The following LAMA1 variants were observed in gnomAD, a reference collection of about 807,000 sequenced individuals.
LAMA1 encodes the protein laminin subunit alpha 1.
LAMA1 carries 219 observed loss-of-function variants against 348.7 expected under a neutral mutation model. The observed-to-expected ratio is 0.63, with a 90% CI of 0.56 to 0.70. The LOEUF is 0.70. Ranked by LOEUF, LAMA1 falls within the 30% of genes least tolerant of loss-of-function variation. The probability of loss-of-function intolerance (pLI) is 0.00; values close to 1 mark genes in which losing one functional copy is unlikely to be tolerated. For missense variants in LAMA1, 3,744 were observed against 3,888.0 expected, an observed-to-expected ratio of 0.96 and a Z score of 0.99; for synonymous variants, 1,487 against 1,491.0, an observed-to-expected ratio of 1.00 and a Z score of 0.06.
rs189409268 is a variant in LAMA1, at chr18:6,961,889, T to C, written c.7452+56A>G. The C allele has an allele frequency of 2.0e-4, 321 of 1,567,884 alleles. 1 individual carries two copies. Among genetic ancestry groups the C allele is most frequent in the Non-Finnish European group, 2.6e-4 (292 of 1,137,894 alleles). ...CTGGTTTGTTGTGTTATGATGTTGA[T>C]AAATCAATGGACACTTATGGAAACT... On this transcript the variant is annotated intron_variant, in intron 52 of 62. Transcript: ENST00000389658.
chr18:7,117,594 G>C (rs2058363021), intron 1 of LAMA1, 66 bp downstream of exon 1: 1 of 1,533,632 alleles, frequency 6.5e-7, no homozygotes, highest in Non-Finnish European at 8.8e-7. Flanking sequence ...GACGGGCTTT[G>C]TCCGCGGCCG....
At position 6,997,959 on chromosome 18, in the gene LAMA1, C is replaced by CA. The variant is rs1600382250; in HGVS notation, c.4664-76dup. ...CTGCCCATTTTTTCATGGAGTTGCG[C>CA]AAGTTGTTTTGTGAAAATGACACAT... On this transcript the variant is annotated intron_variant, in intron 32 of 62. Transcript: ENST00000389658. The CA allele has an allele frequency of 4.3e-6, 6 of 1,402,690 alleles. No individual in the cohort carries two copies. In the East Asian group the frequency reaches 1.4e-4, roughly 32 times the overall value. 86.9% of individuals were successfully genotyped at this position (1,402,690 alleles called of 1,614,324 possible).
At chr18:6,965,110 C>A (rs1277581432) in intron 50 of LAMA1, among the ~76,000 whole-genome samples, 178 bp downstream of exon 50, 4 of 152,164 alleles carry the variant, frequency 2.6e-5, no homozygotes, top group Non-Finnish European at 4.4e-5. Flanking sequence ...ACAAGTATAA[C>A]CCTCCTCCAG....
chr18:7,115,969 CA>C (rs879608315), intron 1 of LAMA1, among the ~76,000 whole-genome samples: 104 of 140,318 alleles, frequency 7.4e-4, no homozygotes, highest in Admixed American at 7.9e-4. Context: ...CCGGAGACTG[CA>C]AAAAAAAAAA....
chr18:6,943,614 C>T (rs1007995703), intron 61 of LAMA1, among the ~76,000 whole-genome samples: 4 of 151,882 alleles, frequency 2.6e-5, no homozygotes, highest in African/African-American at 4.8e-5. Context: ...TTTAGGAGGC[C>T]GAGGCAGGCG....
intron 9 of LAMA1, among the ~76,000 whole-genome samples, chr18:7,041,917 T>A (rs1030927639): frequency 6.6e-6 from 1 of 152,218 alleles, no homozygotes; most frequent in Non-Finnish European, 1.5e-5. Context: ...CCCATGTACC[T>A]GTTTGTTTAG....
chr18:6,964,051 C>T (rs2057621381), intron 51 of LAMA1: 1 of 152,836 alleles, frequency 6.5e-6, no homozygotes, highest in Non-Finnish European at 1.5e-5. Context: ...AAGAGATCTA[C>T]TTCTCTAAAA....
chr18:6,960,952 T>G (rs535388165), intron 53 of LAMA1, among the ~76,000 whole-genome samples: 1 of 152,200 alleles, frequency 6.6e-6, no homozygotes, highest in Non-Finnish European at 1.5e-5. Flanking sequence ...AAGGTGGCAT[T>G]CTATAGATTT....
chr18:7,079,941 G>A, intron 3 of LAMA1, 34 bp downstream of exon 3: 3 of 1,458,722 alleles, frequency 2.1e-6, no homozygotes, highest in Non-Finnish European at 2.9e-6. Context: ...TCAGCAGCCT[G>A]TAGACACTCT....
intron 38 of LAMA1, 62 bp from the exon 39 acceptor site, chr18:6,985,462 A>G: frequency 6.2e-7 from 1 of 1,607,248 alleles, no homozygotes; most frequent in Non-Finnish European, 8.5e-7. Flanking sequence ...ATATGTGTGC[A>G]TATAGAAAAG....
At position 7,016,687 on chromosome 18, in the gene LAMA1, G is replaced by C. The variant is rs968334158; in HGVS notation, c.2809-16C>G. The C allele has an allele frequency of 6.2e-7, 1 of 1,603,918 alleles. No homozygotes were observed. Among genetic ancestry groups the C allele is most frequent in the Non-Finnish European group, 8.5e-7 (1 of 1,175,064 alleles). On this transcript the variant is annotated splice_polypyrimidine_tract_variant and intron_variant, in intron 20 of 62. Coordinates refer to ENST00000389658, the MANE Select transcript of LAMA1 (RefSeq NM_005559.4). ...AATAGCCATGCTGTTTCACCAAAGGGGGAGAAAGTGGAAACCAACATACGT... is the reference window on the plus strand; with the variant it reads ...AATAGCCATGCTGTTTCACCAAAGGCGGAGAAAGTGGAAACCAACATACGT...
rs577620020 is a variant in LAMA1, at chr18:7,098,704, T to C, written c.62-18247A>G. On this transcript the variant is annotated intron_variant, in intron 1 of 62. Coordinates refer to ENST00000389658, the MANE Select transcript of LAMA1 (RefSeq NM_005559.4). ...GCGTCTCCGCCCGGCAGCCACCCCA[T>C]CCGGGAGGGAGGTGGGGGGGTCAGC... Among the ~76,000 whole-genome samples, 1,205 of 142,338 alleles carry C rather than the reference T, an allele frequency of 8.5e-3. 24 individuals are homozygous for C. The highest frequency in any genetic ancestry group is 0.031 in the African/African-American group (1,151 of 37,730). The allele number at this position is 142,338 out of a possible 152,430, so 93.4% of individuals were successfully genotyped here. A position where few individuals can be genotyped will look rare whatever the true frequency, so the allele number is the denominator to read the frequency against.
chr18:7,021,918 C>T (rs1043330639), intron 19 of LAMA1, among the ~76,000 whole-genome samples: 2 of 147,572 alleles, frequency 1.4e-5, no homozygotes, highest in Non-Finnish European at 3.0e-5. Flanking sequence ...TAATAGCTGC[C>T]ATTTATTTCA....
At chr18:6,957,014 C>T (rs1457352417) in intron 55 of LAMA1, 1 of 473,900 alleles carries the variant, frequency 2.1e-6, no homozygotes, top group Non-Finnish European at 3.9e-6. Flanking sequence ...CCTGGCCATT[C>T]CTGAGCACCC....
intron 1 of LAMA1, among the ~76,000 whole-genome samples, chr18:7,099,500 A>C (rs1009307607): frequency 6.6e-6 from 1 of 151,840 alleles, no homozygotes; most frequent in African/African-American, 2.4e-5. Context: ...ACAAAAAAAA[A>C]AATGAACTTA....
At chr18:7,078,140 T>TTTTTTTTTGG (rs1435082183) in intron 3 of LAMA1, among the ~76,000 whole-genome samples, 5 of 65,252 alleles carry the variant, frequency 7.7e-5, no homozygotes, top group East Asian at 7.1e-4. Flanking sequence ...TCTCTTTTTA[T>TTTTTTTTTGG]TTTTTTTTGT....
chr18:6,986,172 G>A lies in LAMA1; in HGVS notation c.5344C>T (p.Leu1782=), dbSNP rs993732736. ...EAKMQESNHL[L]LMVNANLREF... ...CTCAGATTAGCATTGACCATGAGCA[G>A]CAGGTGGTTGCTTTCCTGCATCTTT... is the stretch of plus-strand genomic sequence containing the variant. Residue 1782 remains leucine, a synonymous_variant, in exon 37 of 63, where the codon CTG becomes TTG. Coordinates refer to ENST00000389658, the MANE Select transcript of LAMA1 (RefSeq NM_005559.4). The A allele has an allele frequency of 2.5e-6, 4 of 1,614,208 alleles. No individual in the cohort carries two copies. The highest frequency in any genetic ancestry group is 3.4e-6 in the Non-Finnish European group (4 of 1,180,036).
chr18:6,941,936 G>A lies in LAMA1; in HGVS notation c.*143C>T. 1 of 976,196 alleles carries A rather than the reference G, an allele frequency of 1.0e-6. No homozygotes were observed. Among genetic ancestry groups the A allele is most frequent in the Non-Finnish European group, 1.6e-6 (1 of 618,556 alleles). The allele number at this position is 976,196 out of a possible 1,614,324, so 60.5% of individuals were successfully genotyped here. Reference sequence around the variant, plus strand: ...GGTATTTGTTGCACATGTGGTTTTAGTGTAACGTAAACACAACATCTCTCC... The same window carrying A: ...GGTATTTGTTGCACATGTGGTTTTAATGTAACGTAAACACAACATCTCTCC... On this transcript the variant is annotated 3_prime_UTR_variant, in exon 63 of 63. Transcript: ENST00000389658.
At chr18:7,051,982 A>G (rs2058063799) in intron 3 of LAMA1, among the ~76,000 whole-genome samples, 1 of 152,246 alleles carries the variant, frequency 6.6e-6, no homozygotes, top group Non-Finnish European at 1.5e-5. Context: ...GGTCCACAGG[A>G]AAACTTGCAC....
Sources: gnomAD v4.1 joint callset for allele counts (sites outside exome capture counted in the v4.1 genomes callset) on GRCh38, gnomAD v4.1.1 for gene constraint, MANE v1.5 for transcripts, NCBI Gene and HGNC (gene_info 2026-07-23, HGNC 2026-07-21) for gene names.